LDAF1: variants seen among roughly 807,000 people sequenced by gnomAD.
The protein encoded by LDAF1 is PROMETHIN.
A neutral mutation model predicts 13.5 loss-of-function variants in LDAF1; 7 were observed. That is an observed-to-expected ratio of 0.52 (90% CI 0.29 to 0.97). The LOEUF (loss-of-function observed/expected upper bound fraction) is 0.97, where lower values mean the gene tolerates loss of function less well. Ranked by LOEUF, LDAF1 falls within the 50% of genes least tolerant of loss-of-function variation. The pLI, the probability that LDAF1 is intolerant of heterozygous loss-of-function variation, is 0.07. For missense variants in LDAF1, 148 were observed against 193.2 expected, an observed-to-expected ratio of 0.77 and a Z score of 1.39; for synonymous variants, 69 against 77.1, an observed-to-expected ratio of 0.89 and a Z score of 0.55.
chr16:21,169,589 G>A (rs2093065786), intron 2 of LDAF1, among the ~76,000 whole-genome samples: 1 of 152,244 alleles, frequency 6.6e-6, no homozygotes, highest in Non-Finnish European at 1.5e-5. Context: ...GATTACAGAT[G>A]TGAGCCACCA....
chr16:21,161,711 C>CT (rs2092976618), intron 2 of LDAF1, among the ~76,000 whole-genome samples: 1 of 152,110 alleles, frequency 6.6e-6, no homozygotes, highest in South Asian at 2.1e-4. Context: ...TTTGCCCTAT[C>CT]TGTTACCCTG....
chr16:21,175,406 CAA>C (rs149603955), intron 4 of LDAF1, among the ~76,000 whole-genome samples: 8,646 of 152,250 alleles, frequency 0.057, 269 homozygotes, highest in Middle Eastern at 0.099. Flanking sequence ...CCCTCTTAAT[CAA>C]GATACAAAGT....
intron 2 of LDAF1, among the ~76,000 whole-genome samples, chr16:21,161,969 C>T (rs965940446): frequency 1.3e-5 from 2 of 151,902 alleles, no homozygotes; most frequent in Non-Finnish European, 2.9e-5. Context: ...ATCAGCCTGG[C>T]GAACATGGTA....
chr16:21,173,522 T>A (rs1262511422), intron 3 of LDAF1, among the ~76,000 whole-genome samples: 1 of 152,144 alleles, frequency 6.6e-6, no homozygotes, highest in Non-Finnish European at 1.5e-5. Context: ...AAGACCAGCC[T>A]GGCCAACATA....
intron 2 of LDAF1, among the ~76,000 whole-genome samples, chr16:21,167,472 C>T (rs953326693): frequency 2.0e-5 from 3 of 152,208 alleles, no homozygotes; most frequent in African/African-American, 7.2e-5. Context: ...TGCGGATTTG[C>T]CTATGGCCAG....
rs2093115904 is a variant in LDAF1 at position 21,174,048 on chromosome 16, A to C, written c.304A>C (p.Ile102Leu). ...ISVGGFSLLC[I>L]LCGLGFVSLA... The stretch of plus-strand genomic sequence containing the variant: ...TGTGGGTGGCTTCTCACTGCTCTGC[A>C]TCCTCTGTGGTTTGGGCTTCGTATC... Residue 102 changes from isoleucine (I) to leucine (L), a missense_variant, in exon 4 of 5, where the codon ATC (isoleucine) becomes CTC (leucine). Physicochemically the swap from Ile to Leu is conservative, Grantham distance 5. Transcript: ENST00000233047. 1.2e-6 allele frequency: 2 copies of C among 1,613,906 alleles called. No individual in the cohort carries two copies. Among genetic ancestry groups the C allele is most frequent in the Non-Finnish European group, 1.7e-6 (2 of 1,180,006 alleles).
At chr16:21,179,408 T>C in intron 4 of LDAF1, 67 bp from the exon 5 acceptor site, 1 of 1,612,750 alleles carries the variant, frequency 6.2e-7, no homozygotes, top group African/African-American at 1.3e-5. Flanking sequence ...TATTCAGCTA[T>C]GCACACTTCC....
intron 1 of LDAF1, chr16:21,160,051 C>T: frequency 1.3e-6 from 1 of 794,056 alleles, no homozygotes; most frequent in Non-Finnish European, 1.5e-6. Flanking sequence ...TTAAAATGTG[C>T]TTTAATTTGC....
Position 21,179,779 on chromosome 16 carries a change from C to T in LDAF1, c.*223C>T. On this transcript the variant is annotated 3_prime_UTR_variant, in exon 5 of 5. Coordinates refer to ENST00000233047, the MANE Select transcript of LDAF1 (RefSeq NM_001301771.2). ...GCAGCAGAGAAATGCGATGGTTCAACAGCTCGCCCTGCCCCAAGTATGCAG... is the reference window on the plus strand; with the variant it reads ...GCAGCAGAGAAATGCGATGGTTCAATAGCTCGCCCTGCCCCAAGTATGCAG... 2.0e-6 allele frequency: 1 copy of T among 495,470 alleles called. No individual in the cohort carries two copies. 30.7% of individuals were successfully genotyped at this position (495,470 alleles called of 1,614,324 possible). A position where few individuals can be genotyped will look rare whatever the true frequency, so the allele number is the denominator to read the frequency against.
intron 2 of LDAF1, among the ~76,000 whole-genome samples, chr16:21,162,486 G>C (rs2092986025): frequency 6.6e-6 from 1 of 152,210 alleles, no homozygotes; most frequent in African/African-American, 2.4e-5. Flanking sequence ...ACAGCTTTCA[G>C]AGATAATACT....
At chr16:21,179,318 C>A (rs1014258734) in intron 4 of LDAF1, 157 bp from the exon 5 acceptor site, 1 of 983,524 alleles carries the variant, frequency 1.0e-6, no homozygotes, top group African/African-American at 1.7e-5. Context: ...CCTGTGCCCT[C>A]AGTTTCTTCA....
At chr16:21,169,950 G>A (rs892126772) in intron 2 of LDAF1, among the ~76,000 whole-genome samples, 21 of 145,700 alleles carry the variant, frequency 1.4e-4, no homozygotes, top group African/African-American at 2.8e-4. Flanking sequence ...TTTCGCTCTT[G>A]TTATTCTTAT....
intron 4 of LDAF1, among the ~76,000 whole-genome samples, chr16:21,175,065 T>A (rs985433784): frequency 3.9e-5 from 6 of 152,238 alleles, no homozygotes; most frequent in Non-Finnish European, 2.9e-5. Flanking sequence ...TATGTTGGCA[T>A]TACTGAGAGA....
chr16:21,163,225 C>T (rs541658825), intron 2 of LDAF1, among the ~76,000 whole-genome samples: 1 of 152,236 alleles, frequency 6.6e-6, no homozygotes, highest in Non-Finnish European at 1.5e-5. Flanking sequence ...ACTAAATAGA[C>T]CACAGTGACA....
intron 2 of LDAF1, among the ~76,000 whole-genome samples, chr16:21,163,981 C>T (rs1197598447): frequency 6.6e-6 from 1 of 152,130 alleles, no homozygotes; most frequent in East Asian, 1.9e-4. Flanking sequence ...GGATTATAGG[C>T]GTGAGCCACC....
chr16:21,163,105 T>A (rs1221097189), intron 2 of LDAF1, among the ~76,000 whole-genome samples: 1 of 152,238 alleles, frequency 6.6e-6, no homozygotes, highest in Non-Finnish European at 1.5e-5. Flanking sequence ...ATTTTCTGCA[T>A]AAGGCACATC....
At chr16:21,163,304 C>G (rs1266814289) in intron 2 of LDAF1, among the ~76,000 whole-genome samples, 1 of 152,166 alleles carries the variant, frequency 6.6e-6, no homozygotes, top group Non-Finnish European at 1.5e-5. Context: ...ATGTACGTGG[C>G]AGGTGACTCC....
intron 4 of LDAF1, chr16:21,178,184 C>T: frequency 1.0e-6 from 1 of 985,116 alleles, no homozygotes; most frequent in Non-Finnish European, 1.2e-6. Flanking sequence ...ATCAGCTAGC[C>T]TCTGAGGGGC....
rs1208832122 is a variant in LDAF1, at chr16:21,180,522, G to A, written c.*966G>A. On this transcript the variant is annotated 3_prime_UTR_variant, in exon 5 of 5. Coordinates refer to ENST00000233047, the MANE Select transcript of LDAF1 (RefSeq NM_001301771.2). The stretch of plus-strand genomic sequence containing the variant: ...CCCAAAGTGCTGGGATTACAGGCGT[G>A]AGCCACTGTGCCCAGCCTAAGCCAT... 1 of 152,210 alleles carries A rather than the reference G, an allele frequency of 6.6e-6. No homozygotes were observed. Among genetic ancestry groups the A allele is most frequent in the Non-Finnish European group, 1.5e-5 (1 of 68,072 alleles). 9.4% of individuals were successfully genotyped at this position (152,210 alleles called of 1,614,324 possible).
Sources: gnomAD v4.1 joint callset for allele counts (sites outside exome capture counted in the v4.1 genomes callset) on GRCh38, gnomAD v4.1.1 for gene constraint, MANE v1.5 for transcripts, NCBI Gene and HGNC (gene_info 2026-07-23, HGNC 2026-07-21) for gene names.